The following SPNS3 variants were observed in gnomAD, a reference collection of about 807,000 sequenced individuals.
SPNS3 encodes the protein protein spinster homolog 3.
Under a neutral mutation model 54.4 loss-of-function variants are expected in SPNS3, and 51 were observed. The observed-to-expected ratio is 0.94, with a 90% CI of 0.75 to 1.18. The LOEUF (loss-of-function observed/expected upper bound fraction) is 1.18. SPNS3 is among the 50% of genes most tolerant of loss of function. The probability of loss-of-function intolerance (pLI) is 0.00; values close to 1 mark genes in which losing one functional copy is unlikely to be tolerated. For missense variants in SPNS3, 669 were observed against 677.4 expected (o/e 0.99, Z 0.14); for synonymous variants, 309 against 294.7 (o/e 1.05, Z -0.50).
In SPNS3 at chr17:4,486,333, C is replaced by T. The variant is rs757148263; in HGVS notation, c.1278+7C>T. ...CCCCTATCTCACAGGACTTGTAAGA[C>T]GTGTCTGCGTGTGTGGGGTGGGGAG... On this transcript the variant is annotated splice_region_variant and intron_variant, in intron 10 of 11. Coordinates refer to ENST00000355530, the MANE Select transcript of SPNS3 (RefSeq NM_182538.5). The surrounding 1 kb of genome is among the most constrained non-coding windows in gnomAD (Gnocchi z 5.5). 14 of 1,538,644 alleles carry T rather than the reference C, an allele frequency of 9.1e-6. No homozygotes were observed. Among genetic ancestry groups the T allele is most frequent in the African/African-American group, 5.5e-5 (4 of 72,734 alleles).
intron 6 of SPNS3, among the ~76,000 whole-genome samples, chr17:4,448,857 A>C (rs1260658242): frequency 1.3e-5 from 2 of 152,200 alleles, no homozygotes; most frequent in African/African-American, 4.8e-5. Context: ...AAGACAGGGC[A>C]GGCAGGGACA....
At position 4,434,031 on chromosome 17, in the gene SPNS3, C is replaced by T. The variant is rs981562186; in HGVS notation, c.64C>T (p.Pro22Ser). The T allele has an allele frequency of 1.2e-6, 2 of 1,606,900 alleles. No individual in the cohort carries two copies. The highest frequency in any genetic ancestry group is 2.7e-5 in the African/African-American group (2 of 74,686). The change falls in exon 1 of 12, where the codon CCA becomes TCA. Residue 22 changes from proline (P) to serine (S), a missense_variant. Transcript: ENST00000355530. ...PGPGGLQGQSPGPGRQCPPPI... is the reference protein window; with the variant it reads ...PGPGGLQGQSSGPGRQCPPPI... ...GCCAGGAGGTCTGCAGGGCCAGTCC[C>T]CAGGGCCAGGCAGGCAGTGTCCCCC...
At chr17:4,456,780 T>TC in intron 8 of SPNS3, among the ~76,000 whole-genome samples, 2 of 152,188 alleles carry the variant, frequency 1.3e-5, no homozygotes, top group Middle Eastern at 6.8e-3. Context: ...AGTGGAGCGA[T>TC]CTCAGCTCAC....
intron 9 of SPNS3, among the ~76,000 whole-genome samples, chr17:4,478,948 C>T (rs1972085512): frequency 6.6e-6 from 1 of 152,126 alleles, no homozygotes; most frequent in East Asian, 1.9e-4. Context: ...TTCCCTCCCT[C>T]TTTTCTTTTT....
At chr17:4,458,588 C>CCTTCCTTCCTTTCTTTCTTTCTTTCTTT (rs1413694695) in intron 8 of SPNS3, among the ~76,000 whole-genome samples, 2 of 59,332 alleles carry the variant, frequency 3.4e-5, no homozygotes, top group African/African-American at 1.2e-4. Flanking sequence ...TTCCTTCCCT[C>CCTTCCTTCCTTTCTTTCTTTCTTTCTTT]CTTTCTTTCT....
At chr17:4,459,391 A>G (rs767021849) in intron 8 of SPNS3, among the ~76,000 whole-genome samples, 1 of 152,192 alleles carries the variant, frequency 6.6e-6, no homozygotes, top group African/African-American at 2.4e-5. Flanking sequence ...TTGATTGTCA[A>G]TTAAGTGGCA....
intron 8 of SPNS3, among the ~76,000 whole-genome samples, chr17:4,472,785 T>A (rs976805557): frequency 1.8e-5 from 2 of 108,184 alleles, no homozygotes; most frequent in East Asian, 2.5e-4. Flanking sequence ...TTTTTTTTTT[T>A]TTTTTTTTTT....
At chr17:4,438,440 T>C (rs996751571) in intron 1 of SPNS3, among the ~76,000 whole-genome samples, 1 of 152,166 alleles carries the variant, frequency 6.6e-6, no homozygotes, top group African/African-American at 2.4e-5. Context: ...GTGAGGATTG[T>C]TCTTCTTCAT....
intron 1 of SPNS3, among the ~76,000 whole-genome samples, chr17:4,435,978 C>G (rs1360488449): frequency 6.6e-6 from 1 of 152,086 alleles, no homozygotes; most frequent in Non-Finnish European, 1.5e-5. Flanking sequence ...GCTCCACTTG[C>G]TCTTCTCTTC....
intron 8 of SPNS3, among the ~76,000 whole-genome samples, chr17:4,467,747 C>A (rs1186694492): frequency 6.6e-6 from 1 of 152,038 alleles, no homozygotes. Context: ...CTCACTGCAA[C>A]CTCTGCCTGC....
chr17:4,439,593 G>A (rs1970796307), intron 1 of SPNS3, 65 bp from the exon 2 acceptor site: 1 of 1,512,576 alleles, frequency 6.6e-7, no homozygotes, highest in Non-Finnish European at 9.1e-7. Context: ...CAAACCTGGA[G>A]CAGCTGCCTT....
rs557775786 is a variant in SPNS3, at chr17:4,445,100, G to A, written c.334G>A (p.Ala112Thr). Residue 112 changes from alanine (A) to threonine (T), a missense_variant, in exon 3 of 12, where the codon GCT becomes ACT. Physicochemically the swap from Ala to Thr is moderately conservative, Grantham distance 58 (BLOSUM62 0). Coordinates refer to ENST00000355530, the MANE Select transcript of SPNS3 (RefSeq NM_182538.5). ...CCTGGGCGACCGACATAGCCGCAAG[G>A]CTACCATGAGCTTCGGTATCTTGCT... ...GYLGDRHSRK[A>T]TMSFGILLWS... 6.2e-7 allele frequency: 1 copy of A among 1,614,048 alleles called. No homozygotes were observed. Among genetic ancestry groups the A allele is most frequent in the Admixed American group, 1.7e-5 (1 of 60,008 alleles).
intron 4 of SPNS3, 197 bp from the exon 5 acceptor site, chr17:4,446,699 G>T (rs1970996742): frequency 6.5e-6 from 4 of 615,218 alleles, no homozygotes; most frequent in Non-Finnish European, 1.2e-5. Context: ...CCAGGAGCCA[G>T]AGGTCACTGG....
At chr17:4,439,098 C>T (rs957885317) in intron 1 of SPNS3, among the ~76,000 whole-genome samples, 1 of 151,736 alleles carries the variant, frequency 6.6e-6, no homozygotes, top group African/African-American at 2.4e-5. Context: ...AATGTCTGTG[C>T]CTTTGGGATG....
intron 2 of SPNS3, among the ~76,000 whole-genome samples, chr17:4,441,194 T>G (rs1208516053): frequency 2.0e-5 from 3 of 152,188 alleles, no homozygotes; most frequent in Non-Finnish European, 4.4e-5. Flanking sequence ...GCTGAAAATG[T>G]GTGGAGGAGT....
chr17:4,448,194 A>G lies in SPNS3; in HGVS notation c.661A>G (p.Ile221Val). 1 of 1,604,952 alleles carries G rather than the reference A, an allele frequency of 6.2e-7. No homozygotes were observed. The highest frequency in any genetic ancestry group is 8.5e-7 in the Non-Finnish European group (1 of 1,175,992). The change falls in exon 6 of 12, where the codon ATC (isoleucine) becomes GTC (valine). Residue 221 changes from isoleucine to valine, a missense_variant. Physicochemically the swap from Ile to Val is conservative, Grantham distance 29. Transcript: ENST00000355530. ...GGAGGCCGTGGCCTTGATCCTGCTT[A>G]TCCTGCTGGTTCCAGACCCACCCCG... ...CLEAVALILL[I>V]LLVPDPPRGA...
At chr17:4,439,348 G>A (rs1172175774) in intron 1 of SPNS3, among the ~76,000 whole-genome samples, 3 of 152,164 alleles carry the variant, frequency 2.0e-5, no homozygotes, top group Non-Finnish European at 4.4e-5. Flanking sequence ...CTGGTCTCAA[G>A]CTCCTGACCT....
At chr17:4,449,090 G>A (rs1286912472) in intron 6 of SPNS3, 145 bp from the exon 7 acceptor site, 5 of 911,908 alleles carry the variant, frequency 5.5e-6, no homozygotes, top group Non-Finnish European at 8.2e-6. Flanking sequence ...CTGTAAAGAG[G>A]GGGTAGCAAA....
chr17:4,449,813 G>A (rs1971110178), intron 7 of SPNS3, among the ~76,000 whole-genome samples: 2 of 152,140 alleles, frequency 1.3e-5, no homozygotes, highest in East Asian at 3.9e-4. Flanking sequence ...TTGTTACTTC[G>A]CTGGTTTTGG....
Sources: allele counts gnomAD v4.1 joint callset (sites outside exome capture counted in the v4.1 genomes callset), GRCh38; gene constraint gnomAD v4.1.1; non-coding constraint Gnocchi (gnomAD v3.1); transcripts MANE v1.5; gene names NCBI Gene and HGNC (gene_info 2026-07-23, HGNC 2026-07-21).